The following TMEM181 variants were observed in gnomAD, a reference collection of about 807,000 sequenced individuals.
TMEM181 encodes G protein-coupled receptor 178.
Under a neutral mutation model 71.9 loss-of-function variants are expected in TMEM181, and 39 were observed. That is an observed-to-expected ratio of 0.54 (90% confidence interval 0.42 to 0.71). The LOEUF (loss-of-function observed/expected upper bound fraction) is 0.71. Ranked by LOEUF, TMEM181 falls within the 30% of genes least tolerant of loss-of-function variation. TMEM181 has a pLI of 0.00. For missense variants in TMEM181, 595 were observed against 583.0 expected (o/e 1.02, Z -0.21); for synonymous variants, 245 against 228.8 (o/e 1.07, Z -0.64).
At position 158,631,212 on chromosome 6, in the gene TMEM181, G is replaced by A. The variant is rs1238704562; in HGVS notation, c.1283-111G>A. 1.5e-5 allele frequency: 16 copies of A among 1,089,290 alleles called. No homozygotes were observed. In the Admixed American group the frequency reaches 2.1e-4, roughly 14 times the overall value. The allele number at this position is 1,089,290 out of a possible 1,614,324, so 67.5% of individuals were successfully genotyped here. On this transcript the variant is annotated intron_variant, in intron 15 of 16. Transcript: ENST00000684151. ...GTTTATACAGACATGGCAGCTCTGC[G>A]ATTTGAGTCCAGTTCTTTCCAACTC...
At chr6:158,604,958 C>T (rs553486231) in intron 6 of TMEM181, among the ~76,000 whole-genome samples, 1 of 151,562 alleles carries the variant, frequency 6.6e-6, no homozygotes, top group East Asian at 1.9e-4. Flanking sequence ...GTAGGATGTT[C>T]CAAAATTTTA....
chr6:158,634,165 TAGAA>T lies in TMEM181; in HGVS notation c.*2280_*2283del, dbSNP rs1364715297. ...CTAAGTGGGAAATAAGAAAAAAAGT[TAGAA>T]AGTACTTAAGGGGAAAATCGTTCTT... On this transcript the variant is annotated 3_prime_UTR_variant, in exon 17 of 17. Coordinates refer to ENST00000684151, the MANE Select transcript of TMEM181 (RefSeq NM_001376852.1). 2.8e-5 allele frequency: 3 copies of T among 105,972 alleles called. No individual in the cohort carries two copies. The East Asian group carries it at 5.8e-4, about 21-fold the overall frequency. 6.6% of individuals were successfully genotyped at this position (105,972 alleles called of 1,614,324 possible). A position where few individuals can be genotyped will look rare whatever the true frequency, so the allele number is the denominator to read the frequency against.
rs745758787 is a variant in TMEM181, at chr6:158,626,674, A to G, written c.1109+920A>G. ...CAAAAGTCACTCAGAATAATGCTGC[A>G]TGTGTGTTGTATTAGTCTCTGTTCA... On this transcript the variant is annotated intron_variant, in intron 13 of 16. Coordinates refer to ENST00000684151, the MANE Select transcript of TMEM181 (RefSeq NM_001376852.1). 3.0e-4 allele frequency: 135 copies of G among 457,168 alleles called. 3 individuals are homozygous for G. The highest frequency in any genetic ancestry group is 7.0e-4 in the South Asian group (45 of 64,578). 28.3% of individuals were successfully genotyped at this position (457,168 alleles called of 1,614,324 possible). A position where few individuals can be genotyped will look rare whatever the true frequency, so the allele number is the denominator to read the frequency against.
intron 4 of TMEM181, among the ~76,000 whole-genome samples, chr6:158,584,794 A>G (rs143609993): frequency 6.6e-6 from 1 of 152,308 alleles, no homozygotes; most frequent in Non-Finnish European, 1.5e-5. Context: ...TCATATTACT[A>G]CGTATTTGTC....
intron 10 of TMEM181, among the ~76,000 whole-genome samples, chr6:158,618,603 T>G (rs951723155): frequency 6.6e-6 from 1 of 152,216 alleles, no homozygotes; most frequent in African/African-American, 2.4e-5. Context: ...GTCTTTACAG[T>G]TTGGCATGTT....
intron 1 of TMEM181, 51 bp from the exon 2 acceptor site, chr6:158,573,369 G>C: frequency 6.9e-7 from 1 of 1,451,700 alleles, no homozygotes; most frequent in Non-Finnish European, 9.4e-7. Flanking sequence ...GCTTTCCTGT[G>C]ACCTCCGGGC....
At chr6:158,621,505 C>T (rs544180706) in intron 10 of TMEM181, 45 of 200,640 alleles carry the variant, frequency 2.2e-4, no homozygotes, top group African/African-American at 9.8e-4. Flanking sequence ...CCGTCCTGAA[C>T]CCAACACAGA....
intron 1 of TMEM181, among the ~76,000 whole-genome samples, chr6:158,539,508 C>T (rs1246461970): frequency 1.3e-5 from 2 of 152,202 alleles, no homozygotes; most frequent in African/African-American, 4.8e-5. Context: ...GAGTAAAACG[C>T]ACCAGCTCTT....
intron 1 of TMEM181, among the ~76,000 whole-genome samples, chr6:158,551,523 C>A (rs1416082722): frequency 6.6e-6 from 1 of 151,986 alleles, no homozygotes; most frequent in Non-Finnish European, 1.5e-5. Context: ...GGGTTAAGAA[C>A]CTGACAAACA....
At chr6:158,629,953 A>T (rs925553782) in intron 15 of TMEM181, 134 bp downstream of exon 15, 5 of 759,746 alleles carry the variant, frequency 6.6e-6, no homozygotes, top group African/African-American at 3.5e-5. Context: ...GCAGAGAGAG[A>T]GTGAGTTGAA....
intron 6 of TMEM181, among the ~76,000 whole-genome samples, chr6:158,604,291 C>T (rs1784823937): frequency 6.6e-6 from 1 of 152,156 alleles, no homozygotes. Context: ...TTCATTGCTT[C>T]CTCAGGTCCA....
intron 13 of TMEM181, chr6:158,626,648 T>C (rs1226222621): frequency 2.2e-6 from 1 of 457,146 alleles, no homozygotes; most frequent in Admixed American, 2.3e-5. Context: ...TCATTCAGCA[T>C]CAAAAGTCAC....
intron 9 of TMEM181, 62 bp downstream of exon 9, chr6:158,608,525 C>T: frequency 6.2e-7 from 1 of 1,612,414 alleles, no homozygotes; most frequent in Non-Finnish European, 8.5e-7. Context: ...CTCCCGAACT[C>T]TGAGGACAGC....
intron 10 of TMEM181, chr6:158,611,789 A>ACC: frequency 3.0e-5 from 6 of 201,618 alleles, no homozygotes; most frequent in East Asian, 1.4e-4. Context: ...TTGGACAATA[A>ACC]ACCTGAGAGG....
At chr6:158,553,829 GT>G (rs1781792018) in intron 1 of TMEM181, among the ~76,000 whole-genome samples, 1 of 152,182 alleles carries the variant, frequency 6.6e-6, no homozygotes, top group East Asian at 1.9e-4. Flanking sequence ...TCATTAGTAG[GT>G]TCTTGGAAAC....
chr6:158,605,815 T>C (rs1337307968), intron 7 of TMEM181, among the ~76,000 whole-genome samples: 1 of 152,134 alleles, frequency 6.6e-6, no homozygotes, highest in African/African-American at 2.4e-5. Context: ...GAGGTTTGTG[T>C]CCACAAACCC....
chr6:158,536,970 G>A (rs1781135636), intron 1 of TMEM181: 1 of 843,554 alleles, frequency 1.2e-6, no homozygotes, highest in Non-Finnish European at 1.5e-6. Flanking sequence ...GCCGACGGCC[G>A]CCTCCGCCGG....
intron 13 of TMEM181, among the ~76,000 whole-genome samples, chr6:158,628,063 A>T (rs774011038): frequency 9.2e-5 from 14 of 152,156 alleles, no homozygotes; most frequent in Non-Finnish European, 2.1e-4. Flanking sequence ...TGGTCTCGAA[A>T]ACCTGAGTTA....
chr6:158,629,579 GGAGTCC>G, intron 14 of TMEM181, 145 bp from the exon 15 acceptor site: 1 of 618,862 alleles, frequency 1.6e-6, no homozygotes, highest in Non-Finnish European at 2.9e-6. Flanking sequence ...CTTGAACTGT[GGAGTCC>G]TGACGTCTGG....
Sources: gnomAD v4.1 joint callset for allele counts (sites outside exome capture counted in the v4.1 genomes callset) on GRCh38, gnomAD v4.1.1 for gene constraint, MANE v1.5 for transcripts, NCBI Gene and HGNC (gene_info 2026-07-23, HGNC 2026-07-21) for gene names.